The following MYO16 variants were observed in gnomAD, a reference collection of about 807,000 sequenced individuals.
MYO16 encodes myosin XVI.
In MYO16, 94 loss-of-function variants were observed where a neutral mutation model predicts 205.3. The ratio of observed to expected loss-of-function variants is 0.46; its 90% confidence interval spans 0.39 to 0.54. The LOEUF (loss-of-function observed/expected upper bound fraction) is 0.54. Ranked by LOEUF, MYO16 falls within the 20% of genes least tolerant of loss-of-function variation. The pLI, the probability that MYO16 is intolerant of heterozygous loss-of-function variation, is 0.00. For synonymous variants in MYO16, 988 were observed against 954.0 expected, an observed-to-expected ratio of 1.04 and a Z score of -0.66; for missense variants, 2,315 against 2,387.5, an observed-to-expected ratio of 0.97 and a Z score of 0.63.
chr13:108,968,452 A>G (rs78971496), intron 20 of MYO16, among the ~76,000 whole-genome samples: 2,736 of 152,130 alleles, frequency 0.018, 39 homozygotes, highest in South Asian at 0.047. Flanking sequence ...TCTACTAAAA[A>G]TACAAAATAC....
intron 4 of MYO16, among the ~76,000 whole-genome samples, chr13:108,770,917 G>T (rs533724168): frequency 3.3e-5 from 5 of 152,176 alleles, no homozygotes; most frequent in African/African-American, 1.2e-4. Context: ...TTCTAAAATG[G>T]AGTGAGCTAT....
intron 27 of MYO16, among the ~76,000 whole-genome samples, chr13:109,083,179 T>C (rs1322049415): frequency 6.6e-6 from 1 of 151,742 alleles, no homozygotes; most frequent in Admixed American, 6.6e-5. Flanking sequence ...AGTCAGGAGT[T>C]TGAGACCAGC....
chr13:108,521,871 A>G, the MYO16 span, among the ~76,000 whole-genome samples: 3 of 152,244 alleles, frequency 2.0e-5, no homozygotes, highest in South Asian at 2.1e-4. Flanking sequence ...CTCTAGATGT[A>G]CATTAAGTAC....
In MYO16 at chr13:108,992,432, A is replaced by C. The variant is rs1335739461; in HGVS notation, c.2426A>C (p.Lys809Thr). 2.5e-6 allele frequency: 4 copies of C among 1,594,062 alleles called. No homozygotes were observed. Among genetic ancestry groups the C allele is most frequent in the Non-Finnish European group, 3.4e-6 (4 of 1,162,566 alleles). ...ATTTTTGGTTTTGAAGAGTTTCAAAAGAATGAATTTGAACAAGTAAGTAGT... is the reference window on the plus strand; with the variant it reads ...ATTTTTGGTTTTGAAGAGTTTCAAACGAATGAATTTGAACAAGTAAGTAGT... ...LDIFGFEEFQ[K>T]NEFEQLCVNM... Residue 809 changes from lysine (K) to threonine (T), a missense_variant, in exon 21 of 35, where the codon AAG becomes ACG. Transcript: ENST00000457511.
At chr13:108,725,494 A>G (rs2139579542) in intron 3 of MYO16, among the ~76,000 whole-genome samples, 1 of 152,294 alleles carries the variant, frequency 6.6e-6, no homozygotes, top group Admixed American at 6.5e-5. Flanking sequence ...TGGGAACAGA[A>G]CAGCATTTAG....
At chr13:109,081,832 G>A (rs1419446499) in intron 27 of MYO16, among the ~76,000 whole-genome samples, 1 of 152,088 alleles carries the variant, frequency 6.6e-6, no homozygotes. Flanking sequence ...TAACTAATAG[G>A]CATTGAACAT....
chr13:108,809,198 G>C (rs534521011), intron 7 of MYO16, among the ~76,000 whole-genome samples: 1 of 152,116 alleles, frequency 6.6e-6, no homozygotes, highest in African/African-American at 2.4e-5. Context: ...TTCGTGATAA[G>C]TCAGTTAAGA....
At chr13:108,837,189 C>A (rs1876974230) in intron 9 of MYO16, among the ~76,000 whole-genome samples, 1 of 152,124 alleles carries the variant, frequency 6.6e-6, no homozygotes, top group South Asian at 2.1e-4. Flanking sequence ...CTCATGAGAT[C>A]TGCTGGTTTT....
intron 23 of MYO16, among the ~76,000 whole-genome samples, chr13:109,040,381 C>CAGAGAGAGAG (rs1886843669): frequency 1.4e-5 from 1 of 72,476 alleles, no homozygotes; most frequent in African/African-American, 5.0e-5. Context: ...CACACACACA[C>CAGAGAGAGAG]ACACAGAGAG....
intron 22 of MYO16, among the ~76,000 whole-genome samples, chr13:109,018,971 T>TG (rs1365501536): frequency 9.3e-5 from 14 of 150,042 alleles, no homozygotes; most frequent in Non-Finnish European, 1.5e-4. Context: ...TGTTTTTTTT[T>TG]TTGTTTTTTT....
intron 32 of MYO16, among the ~76,000 whole-genome samples, chr13:109,143,989 G>T (rs1346157239): frequency 6.6e-6 from 1 of 151,782 alleles, no homozygotes. Flanking sequence ...TAGATTATGG[G>T]AGTCCTAACT....
At chr13:109,024,561 A>T (rs1192423981) in intron 23 of MYO16, among the ~76,000 whole-genome samples, 1 of 152,156 alleles carries the variant, frequency 6.6e-6, no homozygotes, top group Non-Finnish European at 1.5e-5. Context: ...ACTAAGTTTA[A>T]GTCAATGTAA....
At chr13:108,747,699 T>G (rs536028207) in intron 4 of MYO16, among the ~76,000 whole-genome samples, 2 of 152,138 alleles carry the variant, frequency 1.3e-5, no homozygotes, top group African/African-American at 4.8e-5. Flanking sequence ...TTGCTTCAAA[T>G]TGAGTAGTCT....
intron 34 of MYO16, among the ~76,000 whole-genome samples, chr13:109,188,526 A>G (rs1305165474): frequency 1.3e-5 from 2 of 152,196 alleles, no homozygotes; most frequent in Non-Finnish European, 2.9e-5. Context: ...TATTAGATAG[A>G]TTCTCTAGAG....
At chr13:109,051,471 C>T (rs1887243506) in intron 24 of MYO16, among the ~76,000 whole-genome samples, 1 of 152,138 alleles carries the variant, frequency 6.6e-6, no homozygotes, top group Non-Finnish European at 1.5e-5. Flanking sequence ...AAAGTAGGTA[C>T]TGTCATCATT....
chr13:108,942,069 C>T (rs921388657), intron 16 of MYO16, among the ~76,000 whole-genome samples: 1 of 152,156 alleles, frequency 6.6e-6, no homozygotes. Context: ...ATAGTATATA[C>T]AATTCTGCAC....
At chr13:109,050,394 C>T (rs1033676271) in intron 24 of MYO16, among the ~76,000 whole-genome samples, 28 of 152,038 alleles carry the variant, frequency 1.8e-4, no homozygotes, top group African/African-American at 6.5e-4. Context: ...GTATCCTTCT[C>T]GGCACATCAC....
intron 7 of MYO16, among the ~76,000 whole-genome samples, chr13:108,807,481 T>G (rs1887152134): frequency 6.6e-6 from 1 of 152,224 alleles, no homozygotes; most frequent in South Asian, 2.1e-4. Context: ...ATAAATATAT[T>G]TAAGGATCTG....
chr13:108,766,598 A>G (rs2139667093), intron 4 of MYO16, among the ~76,000 whole-genome samples: 1 of 152,332 alleles, frequency 6.6e-6, no homozygotes, highest in East Asian at 1.9e-4. Flanking sequence ...TGCATCAACA[A>G]CAGTAAAGAA....
Sources: gnomAD v4.1 joint callset for allele counts (sites outside exome capture counted in the v4.1 genomes callset) on GRCh38, gnomAD v4.1.1 for gene constraint, MANE v1.5 for transcripts, NCBI Gene and HGNC (gene_info 2026-07-23, HGNC 2026-07-21) for gene names.